Variants in NEGR1 observed in about 807,000 individuals in gnomAD.
The protein encoded by NEGR1 is IgLON family member 4.
Under a neutral mutation model 40.9 loss-of-function variants are expected in NEGR1, and 10 were observed. The observed-to-expected ratio is 0.24, with a 90% CI of 0.15 to 0.42. NEGR1 has a LOEUF of 0.42. NEGR1 is among the 10% of genes least tolerant of loss of function. The pLI, the probability that NEGR1 is intolerant of heterozygous loss-of-function variation, is 1.00. For missense variants in NEGR1, 352 were observed against 438.9 expected (o/e 0.80, Z 1.77); for synonymous variants, 185 against 166.8 (o/e 1.11, Z -0.84).
rs1265783741 is a variant in NEGR1 at position 71,496,008 on chromosome 1, GTCTC to G, written c.941-88442_941-88439del. Among the ~76,000 whole-genome samples, 61 of 152,064 alleles carry G rather than the reference GTCTC, an allele frequency of 4.0e-4. 1 individual carries two copies. The highest frequency in any genetic ancestry group is 1.5e-4 in the Non-Finnish European group (10 of 67,996). ...CAGAGGCTTCATACTTTGGGAATAG[GTCTC>G]TGCCTTTCCCACATCTTACAATTTT... On this transcript the variant is annotated intron_variant, in intron 6 of 6. Transcript: ENST00000357731.
At chr1:71,431,845 A>G (rs2101296301) in intron 6 of NEGR1, among the ~76,000 whole-genome samples, 1 of 152,350 alleles carries the variant, frequency 6.6e-6, no homozygotes, top group Admixed American at 6.5e-5. Flanking sequence ...AGAGATTTAA[A>G]TAAAGTAATT....
At chr1:71,778,469 C>T (rs990623290) in intron 2 of NEGR1, among the ~76,000 whole-genome samples, 1 of 151,856 alleles carries the variant, frequency 6.6e-6, no homozygotes, top group African/African-American at 2.4e-5. Flanking sequence ...TTATGATGTT[C>T]GATAGTTTAA....
intron 1 of NEGR1, among the ~76,000 whole-genome samples, chr1:72,091,415 C>T (rs1040636331): frequency 8.1e-6 from 1 of 123,770 alleles, no homozygotes; most frequent in Non-Finnish European, 1.6e-5. Context: ...TCCCTTCCTT[C>T]TCTCCTTCCC....
intron 1 of NEGR1, among the ~76,000 whole-genome samples, chr1:72,143,036 C>T (rs765822620): frequency 2.0e-5 from 3 of 151,820 alleles, no homozygotes; most frequent in Non-Finnish European, 4.4e-5. Flanking sequence ...AGTCAATTTG[C>T]TAAAATTTGT....
intron 1 of NEGR1, among the ~76,000 whole-genome samples, chr1:72,255,023 A>G (rs2100536181): frequency 6.6e-6 from 1 of 152,264 alleles, no homozygotes; most frequent in East Asian, 1.9e-4. Context: ...CCCATTATCC[A>G]CATTAGATTT....
At chr1:71,408,518 T>C (rs1646293984) in intron 6 of NEGR1, among the ~76,000 whole-genome samples, 3 of 152,008 alleles carry the variant, frequency 2.0e-5, no homozygotes, top group Admixed American at 6.6e-5. Flanking sequence ...TTCACCAAGT[T>C]TGGGATATTA....
chr1:71,436,642 C>T (rs1646511580), intron 6 of NEGR1, among the ~76,000 whole-genome samples: 2 of 152,244 alleles, frequency 1.3e-5, no homozygotes, highest in African/African-American at 4.8e-5. Context: ...GTCTACCTCT[C>T]CTGCCTTCTG....
At chr1:71,551,196 AG>A (rs1374269189) in intron 6 of NEGR1, among the ~76,000 whole-genome samples, 2 of 151,674 alleles carry the variant, frequency 1.3e-5, no homozygotes, top group African/African-American at 2.4e-5. Context: ...GAACATTAAA[AG>A]TTTCTGGAAA....
chr1:71,685,141 CT>C (rs1330786870), intron 4 of NEGR1, among the ~76,000 whole-genome samples: 2 of 151,954 alleles, frequency 1.3e-5, no homozygotes, highest in African/African-American at 2.4e-5. Context: ...TTTTCATTTA[CT>C]TTTCGCTTTT....
intron 2 of NEGR1, among the ~76,000 whole-genome samples, chr1:71,917,618 A>C (rs913280554): frequency 3.3e-5 from 5 of 151,022 alleles, no homozygotes; most frequent in African/African-American, 1.2e-4. Context: ...CTCTACTAAA[A>C]ATACAAAAAA....
intron 1 of NEGR1, among the ~76,000 whole-genome samples, chr1:72,048,196 T>C (rs2100469718): frequency 6.6e-6 from 1 of 151,748 alleles, no homozygotes; most frequent in South Asian, 2.1e-4. Context: ...TTTTCCTTAT[T>C]ATCCTCTACT....
intron 2 of NEGR1, among the ~76,000 whole-genome samples, chr1:71,792,082 C>T (rs117044364): frequency 2.0e-5 from 3 of 152,114 alleles, no homozygotes; most frequent in East Asian, 1.9e-4. Flanking sequence ...AAATAATGGA[C>T]GCAAAAACAA....
At chr1:72,124,059 A>G (rs1264590146) in intron 1 of NEGR1, among the ~76,000 whole-genome samples, 1 of 152,068 alleles carries the variant, frequency 6.6e-6, no homozygotes, top group Non-Finnish European at 1.5e-5. Flanking sequence ...TGTTTCAAGA[A>G]TTGAAAGGGA....
chr1:71,909,644 G>GT (rs1367322292), intron 2 of NEGR1, among the ~76,000 whole-genome samples: 4 of 152,222 alleles, frequency 2.6e-5, no homozygotes, highest in Non-Finnish European at 2.9e-5. Flanking sequence ...CTGGAAAGGG[G>GT]TTTTTATGTG....
At chr1:72,258,157 G>A (rs1368499544) in intron 1 of NEGR1, among the ~76,000 whole-genome samples, 3 of 152,118 alleles carry the variant, frequency 2.0e-5, no homozygotes, top group African/African-American at 7.2e-5. Context: ...GGGTGATTTT[G>A]TCTACCTGGG....
chr1:71,407,256 A>G lies in NEGR1; in HGVS notation c.*190T>C, dbSNP rs977010100. On this transcript the variant is annotated 3_prime_UTR_variant, in exon 7 of 7. Transcript: ENST00000357731. The stretch of plus-strand genomic sequence containing the variant: ...AAAGGACAATGTGTACTGCTTCACA[A>G]GGTAATGTAGCTAATCAAAAAAGAG... 17 of 496,470 alleles carry G rather than the reference A, an allele frequency of 3.4e-5. No individual in the cohort carries two copies. Among genetic ancestry groups the G allele is most frequent in the Middle Eastern group, 1.1e-3 (2 of 1,882 alleles). 30.8% of individuals were successfully genotyped at this position (496,470 alleles called of 1,614,324 possible). A position where few individuals can be genotyped will look rare whatever the true frequency, so the allele number is the denominator to read the frequency against.
intron 1 of NEGR1, among the ~76,000 whole-genome samples, chr1:72,069,067 C>A (rs1647354928): frequency 6.6e-6 from 1 of 152,004 alleles, no homozygotes; most frequent in Admixed American, 6.6e-5. Flanking sequence ...AATTAAATAT[C>A]AACCTAAAAG....
intron 4 of NEGR1, among the ~76,000 whole-genome samples, chr1:71,668,057 A>ATT (rs145495650): frequency 6.6e-6 from 1 of 152,020 alleles, no homozygotes; most frequent in Non-Finnish European, 1.5e-5. Flanking sequence ...TCTGTTATCT[A>ATT]TTTTTTGTCT....
At chr1:71,491,199 T>G (rs1387976730) in intron 6 of NEGR1, among the ~76,000 whole-genome samples, 4 of 152,074 alleles carry the variant, frequency 2.6e-5, no homozygotes, top group African/African-American at 9.7e-5. Flanking sequence ...TTATATGGCA[T>G]TTACATAGTA....
Sources: allele counts gnomAD v4.1 joint callset (sites outside exome capture counted in the v4.1 genomes callset), GRCh38; gene constraint gnomAD v4.1.1; transcripts MANE v1.5; gene names NCBI Gene and HGNC (gene_info 2026-07-23, HGNC 2026-07-21).